The following CHSY3 variants were observed in gnomAD, a reference collection of about 807,000 sequenced individuals.
CHSY3 encodes chondroitin sulfate synthase 3.
In CHSY3, 35 loss-of-function variants were observed where a neutral mutation model predicts 67.2. That is an observed-to-expected ratio of 0.52 (90% confidence interval 0.40 to 0.69). The LOEUF (loss-of-function observed/expected upper bound fraction) is 0.69. CHSY3 is among the 30% of genes least tolerant of loss of function. The pLI is 0.00. For synonymous variants in CHSY3, 474 were observed against 434.7 expected (o/e 1.09, Z -1.12); for missense variants, 1,069 against 1,138.5 (o/e 0.94, Z 0.88).
intron 2 of CHSY3, among the ~76,000 whole-genome samples, chr5:129,934,160 TA>T (rs1217094159): frequency 1.1e-4 from 17 of 152,108 alleles, no homozygotes; most frequent in Admixed American, 1.0e-3. Flanking sequence ...GACAAAATTA[TA>T]AAAAATGATC....
At chr5:130,116,300 G>A (rs532695329) in intron 2 of CHSY3, among the ~76,000 whole-genome samples, 31 of 152,180 alleles carry the variant, frequency 2.0e-4, no homozygotes, top group Non-Finnish European at 4.0e-4. Context: ...TAATTGTAAT[G>A]TTCACTCTTT....
At chr5:130,137,230 C>T (rs890351523) in intron 2 of CHSY3, among the ~76,000 whole-genome samples, 5 of 152,134 alleles carry the variant, frequency 3.3e-5, no homozygotes, top group East Asian at 3.8e-4. Context: ...TGTATCCTGT[C>T]GTTTTCCATG....
chr5:129,905,179 A>G lies in CHSY3; in HGVS notation c.350A>G (p.Glu117Gly), dbSNP rs1287018058. 6 of 1,523,010 alleles carry G rather than the reference A, an allele frequency of 3.9e-6. No homozygotes were observed. Among genetic ancestry groups the G allele is most frequent in the Non-Finnish European group, 4.4e-6 (5 of 1,141,728 alleles). The allele number at this position is 1,523,010 out of a possible 1,614,324, so 94.3% of individuals were successfully genotyped here. The change falls in exon 1 of 3, where the codon GAG becomes GGG. Residue 117 changes from glutamate to glycine, a missense_variant. By Grantham distance (98) the Glu-to-Gly change is moderately conservative. Coordinates refer to ENST00000305031, the MANE Select transcript of CHSY3 (RefSeq NM_175856.5). ...PPLQQRRRGREPEGATGLPGA... is the reference protein window; with the variant it reads ...PPLQQRRRGRGPEGATGLPGA... ...CTGCAGCAGCGGCGGCGAGGACGCG[A>G]GCCTGAGGGCGCGACGGGGCTTCCC...
chr5:130,174,420 C>T lies in CHSY3; in HGVS notation c.1087-9809C>T, dbSNP rs542005125. Among the ~76,000 whole-genome samples, 12 of 152,032 alleles carry T rather than the reference C, an allele frequency of 7.9e-5. No homozygotes were observed. The South Asian group carries it at 2.5e-3, about 32-fold the overall frequency. ...AGAGAAGACCAAAGATTTTCACAGACAGCTTTACCCATGATAGTATGGCCT... is the reference window on the plus strand; with the variant it reads ...AGAGAAGACCAAAGATTTTCACAGATAGCTTTACCCATGATAGTATGGCCT... On this transcript the variant is annotated intron_variant, in intron 2 of 2. Coordinates refer to ENST00000305031, the MANE Select transcript of CHSY3 (RefSeq NM_175856.5).
At chr5:130,084,853 T>C (rs1221084577) in intron 2 of CHSY3, among the ~76,000 whole-genome samples, 1 of 151,906 alleles carries the variant, frequency 6.6e-6, no homozygotes, top group Admixed American at 6.6e-5. Flanking sequence ...GAAGGGAGTG[T>C]CTGGGTTAAG....
In CHSY3 at chr5:130,021,701, T is replaced by C. The variant is rs146959375; in HGVS notation, c.1086+113341T>C. On this transcript the variant is annotated intron_variant, in intron 2 of 2. Transcript: ENST00000305031. ...ACTTTAGTTAATTTGTCTTACCCAGTGCTATTTTACTTATAATAAAAAGAT... is the reference window on the plus strand; with the variant it reads ...ACTTTAGTTAATTTGTCTTACCCAGCGCTATTTTACTTATAATAAAAAGAT... Among the ~76,000 whole-genome samples the C allele has an allele frequency of 5.0e-3, 765 of 152,306 alleles. 2 individuals carry two copies. The highest frequency in any genetic ancestry group is 0.017 in the African/African-American group (727 of 41,590).
At chr5:130,099,859 C>G (rs990318632) in intron 2 of CHSY3, among the ~76,000 whole-genome samples, 1 of 152,064 alleles carries the variant, frequency 6.6e-6, no homozygotes, top group African/African-American at 2.4e-5. Flanking sequence ...GCTGACTGTT[C>G]AATGTAGCAG....
intron 2 of CHSY3, among the ~76,000 whole-genome samples, chr5:130,115,084 G>GTT (rs200845930): frequency 5.7e-4 from 84 of 146,728 alleles, no homozygotes; most frequent in Admixed American, 2.4e-3. Flanking sequence ...TTGTTCAAAG[G>GTT]TTTTTTTTTT....
chr5:130,047,475 C>T (rs145982534), intron 2 of CHSY3, among the ~76,000 whole-genome samples: 18 of 152,162 alleles, frequency 1.2e-4, no homozygotes, highest in African/African-American at 4.1e-4. Flanking sequence ...GAATTGTCTT[C>T]TGAAATATTA....
chr5:130,063,383 G>A (rs1765773468), intron 2 of CHSY3, among the ~76,000 whole-genome samples: 1 of 152,116 alleles, frequency 6.6e-6, no homozygotes, highest in African/African-American at 2.4e-5. Flanking sequence ...ATGCATTTCA[G>A]TAGTGAAACT....
intron 2 of CHSY3, among the ~76,000 whole-genome samples, chr5:130,170,783 T>C (rs1002155832): frequency 1.3e-5 from 2 of 152,294 alleles, no homozygotes; most frequent in African/African-American, 4.8e-5. Flanking sequence ...TTTGTATTTC[T>C]TCTTTTGAGA....
At chr5:130,132,258 T>G (rs943430061) in intron 2 of CHSY3, among the ~76,000 whole-genome samples, 3 of 152,148 alleles carry the variant, frequency 2.0e-5, no homozygotes, top group Non-Finnish European at 2.9e-5. Context: ...TAAGCTCTCT[T>G]CAAGATCAGA....
chr5:130,184,271 G>T lies in CHSY3; in HGVS notation c.1129G>T (p.Gly377Cys), dbSNP rs1770339607. 6.2e-7 allele frequency: 1 copy of T among 1,608,370 alleles called. No homozygotes were observed. The highest frequency in any genetic ancestry group is 8.5e-7 in the Non-Finnish European group (1 of 1,177,114). ...FHENYEHNRK[G>C]YIQDLHNSKI... ...TGAAAATTATGAACACAATCGGAAG[G>T]GTTACATCCAAGACCTTCACAATAG... The change falls in exon 3 of 3, where the codon GGT becomes TGT. Residue 377 changes from glycine (G) to cysteine (C), a missense_variant. Transcript: ENST00000305031.
chr5:130,144,643 G>A (rs187331589), intron 2 of CHSY3, among the ~76,000 whole-genome samples: 1 of 151,714 alleles, frequency 6.6e-6, no homozygotes, highest in African/African-American at 2.4e-5. Context: ...TCAGAGAAAT[G>A]GAAAAAAAAT....
At chr5:130,082,139 C>T (rs1023174523) in intron 2 of CHSY3, among the ~76,000 whole-genome samples, 7 of 151,918 alleles carry the variant, frequency 4.6e-5, no homozygotes, top group African/African-American at 1.7e-4. Context: ...AACCAGAACC[C>T]AAATGTTAGC....
In CHSY3 at chr5:129,937,598, T is replaced by A. The variant is rs1304671280; in HGVS notation, c.1086+29238T>A. 2.6e-5 allele frequency among the ~76,000 whole-genome samples: 4 copies of A among 151,768 alleles called. No individual in the cohort carries two copies. The East Asian group carries it at 5.8e-4, about 22-fold the overall frequency. ...TTAACTCAAAAGTCCAAGTCCAATG[T>A]CTCATCTGAGACAAGGCAAGTCCCT... On this transcript the variant is annotated intron_variant, in intron 2 of 2. Coordinates refer to ENST00000305031, the MANE Select transcript of CHSY3 (RefSeq NM_175856.5).
chr5:129,906,038 A>C (rs1455751092), intron 1 of CHSY3: 4 of 188,326 alleles, frequency 2.1e-5, no homozygotes, highest in Non-Finnish European at 3.3e-5. Context: ...GGTCTTCAGG[A>C]AGGGAAGACG....
intron 2 of CHSY3, among the ~76,000 whole-genome samples, chr5:130,031,986 A>C (rs1226559935): frequency 6.6e-6 from 1 of 152,192 alleles, no homozygotes; most frequent in Non-Finnish European, 1.5e-5. Flanking sequence ...CTTGATAAAT[A>C]TGCAATTTGA....
chr5:130,033,572 A>C (rs1236436468), intron 2 of CHSY3, among the ~76,000 whole-genome samples: 1 of 152,308 alleles, frequency 6.6e-6, no homozygotes, highest in African/African-American at 2.4e-5. Context: ...CTGATTTGGA[A>C]GACACTCCCA....
Sources: gnomAD v4.1 joint callset for allele counts (sites outside exome capture counted in the v4.1 genomes callset) on GRCh38, gnomAD v4.1.1 for gene constraint, MANE v1.5 for transcripts, NCBI Gene and HGNC (gene_info 2026-07-23, HGNC 2026-07-21) for gene names.